Variants in HECTD4 observed in about 807,000 individuals in gnomAD.
HECTD4 encodes HECT domain E3 ubiquitin protein ligase 4, also known as probable E3 ubiquitin-protein ligase HECTD4.
In HECTD4, 114 loss-of-function variants were observed where a neutral mutation model predicts 471.5. That is an observed-to-expected ratio of 0.24 (90% confidence interval 0.21 to 0.28). The LOEUF (loss-of-function observed/expected upper bound fraction) is 0.28, where lower values mean the gene tolerates loss of function less well. Ranked by LOEUF, HECTD4 falls within the 10% of genes least tolerant of loss-of-function variation. The pLI is 1.00. For missense variants in HECTD4, 3,866 were observed against 5,651.5 expected, an observed-to-expected ratio of 0.68 and a Z score of 10.13; for synonymous variants, 2,012 against 2,256.0, an observed-to-expected ratio of 0.89 and a Z score of 3.07.
Position 112,163,575 on chromosome 12 carries a change from G to A in HECTD4, c.12864C>T (p.Cys4288=), listed in dbSNP as rs573784336. ...LSPLEMELRT[C]GLPYINLEFL... Reference sequence around the variant, plus strand: ...ACTCGAGGTTGATGTAGGGGAGGCCGCAGGTGCGCAGCTCCATCTCCAGTG... The same window carrying A: ...ACTCGAGGTTGATGTAGGGGAGGCCACAGGTGCGCAGCTCCATCTCCAGTG... The change falls in exon 74 of 76, where the codon TGC becomes TGT. Residue 4288 remains cysteine, a synonymous_variant. Coordinates refer to ENST00000682272, the MANE Select transcript of HECTD4 (RefSeq NM_001388303.1). The surrounding 1 kb of genome is among the most constrained non-coding windows in gnomAD (Gnocchi z 8.2). 4.6e-5 allele frequency: 69 copies of A among 1,500,132 alleles called. No individual in the cohort carries two copies. The African/African-American group carries it at 5.0e-4, about 11-fold the overall frequency. 92.9% of individuals were successfully genotyped at this position (1,500,132 alleles called of 1,614,324 possible).
intron 55 of HECTD4, among the ~76,000 whole-genome samples, chr12:112,199,212 C>T (rs1012755732): frequency 6.6e-6 from 1 of 152,114 alleles, no homozygotes; most frequent in Non-Finnish European, 1.5e-5. Flanking sequence ...CTGTGAGGAC[C>T]CCTGTTGAAG....
rs2030741273 is a variant in HECTD4 at position 112,162,765 on chromosome 12, TTTC to T, written c.13121-245_13121-243del. On this transcript the variant is annotated intron_variant, in intron 75 of 75. Transcript: ENST00000682272. This position sits in a 1 kb window ranked among gnomAD's most constrained non-coding sequence, Gnocchi z 5.2. ...ATGGGTTTGTCTGCCCAGCAAATTG[TTTC>T]TTTTTTTTTTTTTTTAACCATTTTT... 1.8e-6 allele frequency: 1 copy of T among 560,454 alleles called. No individual in the cohort carries two copies. The highest frequency in any genetic ancestry group is 1.9e-5 in the African/African-American group (1 of 52,590). The allele number at this position is 560,454 out of a possible 1,614,324, so 34.7% of individuals were successfully genotyped here.
rs2033492777 is a variant in HECTD4 at position 112,235,925 on chromosome 12, A to G, written c.5445-141T>C. 1.4e-6 allele frequency: 1 copy of G among 726,356 alleles called. No homozygotes were observed. The highest frequency in any genetic ancestry group is 2.8e-5 in the East Asian group (1 of 35,922). The allele number at this position is 726,356 out of a possible 1,614,324, so 45.0% of individuals were successfully genotyped here. On this transcript the variant is annotated intron_variant, in intron 35 of 75. Coordinates refer to ENST00000682272, the MANE Select transcript of HECTD4 (RefSeq NM_001388303.1). The surrounding 1 kb of genome is among the most constrained non-coding windows in gnomAD (Gnocchi z 5.0). ...TGAATGTGGCACTATGCTTCTGTGA[A>G]GAATTAAGAATTTTGGAAACATTTG...
In HECTD4 at chr12:112,382,093, C is replaced by A; in HGVS notation, c.36G>T (p.Ala12=). 8.2e-7 allele frequency: 1 copy of A among 1,224,602 alleles called. No homozygotes were observed. The highest frequency in any genetic ancestry group is 1.0e-6 in the Non-Finnish European group (1 of 983,882). 75.9% of individuals were successfully genotyped at this position (1,224,602 alleles called of 1,614,324 possible). A position where few individuals can be genotyped will look rare whatever the true frequency, so the allele number is the denominator to read the frequency against. Residue 12 remains alanine (A), a synonymous_variant, in exon 1 of 76, where the codon GCG becomes GCT. Coordinates refer to ENST00000682272, the MANE Select transcript of HECTD4 (RefSeq NM_001388303.1). ...GSSAAAAAAA[A]AAADSAQWLS... ...GCCACTGCGCCGAGTCAGCGGCCGC[C>A]GCCGCCGCCGCCGCCGCGGCCGCCG...
At chr12:112,353,766 G>A (rs2036285583) in intron 1 of HECTD4, among the ~76,000 whole-genome samples, 1 of 152,190 alleles carries the variant, frequency 6.6e-6, no homozygotes, top group African/African-American at 2.4e-5. Flanking sequence ...GCTTTAAAAA[G>A]TTAGGCTAGA....
chr12:112,309,635 A>C lies in HECTD4; in HGVS notation c.951T>G (p.Gly317=), dbSNP rs1209435601. ...CTGAGTTAGTAGTATACAGGTAAAG[A>C]CCATCTGCCGTGAGACAGCGTCCCA... ...ADLGRCLTAD[G]LYLYTTNSVG... The change falls in exon 5 of 76, where the codon GGT becomes GGG. Residue 317 remains glycine (G), a synonymous_variant. Coordinates refer to ENST00000682272, the MANE Select transcript of HECTD4 (RefSeq NM_001388303.1). The C allele has an allele frequency of 1.3e-6, 2 of 1,534,526 alleles. No individual in the cohort carries two copies. Among genetic ancestry groups the C allele is most frequent in the Non-Finnish European group, 8.7e-7 (1 of 1,144,878 alleles).
At chr12:112,175,002 G>T (rs1405640087) in intron 66 of HECTD4, among the ~76,000 whole-genome samples, 1 of 152,164 alleles carries the variant, frequency 6.6e-6, no homozygotes, top group Non-Finnish European at 1.5e-5. Flanking sequence ...AGCTAGAAAG[G>T]GGAAACCATA....
chr12:112,171,341 C>T (rs2031212995), intron 67 of HECTD4, 78 bp from the exon 68 acceptor site: 2 of 1,536,518 alleles, frequency 1.3e-6, no homozygotes, highest in Non-Finnish European at 1.7e-6. Context: ...CACAGGCAAC[C>T]CTATCACTGC....
rs945545825 is a variant in HECTD4, at chr12:112,162,724, A to G, written c.13121-201T>C. Reference sequence around the variant, plus strand: ...AGGGGAGAGAGCTGCTGGACAGCGCATGTGCCAAACTGCTGATGGGTTTGT... The same window carrying G: ...AGGGGAGAGAGCTGCTGGACAGCGCGTGTGCCAAACTGCTGATGGGTTTGT... On this transcript the variant is annotated intron_variant, in intron 75 of 75. Coordinates refer to ENST00000682272, the MANE Select transcript of HECTD4 (RefSeq NM_001388303.1). This position sits in a 1 kb window ranked among gnomAD's most constrained non-coding sequence, Gnocchi z 5.2. 2.0e-5 allele frequency: 12 copies of G among 613,888 alleles called. No individual in the cohort carries two copies. The highest frequency in any genetic ancestry group is 1.7e-4 in the African/African-American group (9 of 53,596). The allele number at this position is 613,888 out of a possible 1,614,324, so 38.0% of individuals were successfully genotyped here. A position where few individuals can be genotyped will look rare whatever the true frequency, so the allele number is the denominator to read the frequency against.
intron 1 of HECTD4, among the ~76,000 whole-genome samples, chr12:112,378,574 T>C (rs1398203978): frequency 6.6e-6 from 1 of 152,098 alleles, no homozygotes; most frequent in Admixed American, 6.6e-5. Flanking sequence ...TTGCCAGTCA[T>C]AATTAGTCAA....
intron 4 of HECTD4, 48 bp downstream of exon 4, chr12:112,312,969 T>G: frequency 6.7e-7 from 1 of 1,500,832 alleles, no homozygotes; most frequent in Non-Finnish European, 8.9e-7. Flanking sequence ...CTAAAACCTC[T>G]TTATTTACAT....
rs4767496 is a variant in HECTD4, at chr12:112,217,336, T to C, written c.7075-141A>G. On this transcript the variant is annotated intron_variant, in intron 45 of 75. Coordinates refer to ENST00000682272, the MANE Select transcript of HECTD4 (RefSeq NM_001388303.1). ...ACACACATACACACACACACACACA[T>C]ACACACACACACACACACACAATTT... 379 of 409,318 alleles carry C rather than the reference T, an allele frequency of 9.3e-4. 1 individual carries two copies. Among genetic ancestry groups the C allele is most frequent in the African/African-American group, 4.0e-3 (192 of 48,194 alleles). 25.4% of individuals were successfully genotyped at this position (409,318 alleles called of 1,614,324 possible). A position where few individuals can be genotyped will look rare whatever the true frequency, so the allele number is the denominator to read the frequency against.
At chr12:112,301,469 A>G (rs2035163874) in intron 7 of HECTD4, among the ~76,000 whole-genome samples, 1 of 152,188 alleles carries the variant, frequency 6.6e-6, no homozygotes, top group Non-Finnish European at 1.5e-5. Context: ...GGTGTGAGCC[A>G]CTGCACCCAG....
At chr12:112,175,887 T>C in intron 65 of HECTD4, 28 bp from the exon 66 acceptor site, 1 of 1,611,772 alleles carries the variant, frequency 6.2e-7, no homozygotes, top group Non-Finnish European at 8.5e-7. Flanking sequence ...GTGTGAGGAA[T>C]CTGGTGAGAC....
chr12:112,205,089 C>T (rs1158633909), intron 52 of HECTD4, among the ~76,000 whole-genome samples: 4 of 145,486 alleles, frequency 2.7e-5, no homozygotes, highest in African/African-American at 5.2e-5. Flanking sequence ...GCCAAGCTGG[C>T]GCCACTGCAC....
rs2030703060 is a variant in HECTD4, at chr12:112,161,878, G to GC, written c.*508dup. 6.5e-6 allele frequency: 1 copy of GC among 152,694 alleles called. No homozygotes were observed. The highest frequency in any genetic ancestry group is 2.4e-5 in the African/African-American group (1 of 41,462). The allele number at this position is 152,694 out of a possible 1,614,324, so 9.5% of individuals were successfully genotyped here. ...TGTGTCTCACGTGTTTGGGCAATTG[G>GC]CCCAGCCACCTCTATGTGGAGGGAG... On this transcript the variant is annotated 3_prime_UTR_variant, in exon 76 of 76. Coordinates refer to ENST00000682272, the MANE Select transcript of HECTD4 (RefSeq NM_001388303.1).
intron 1 of HECTD4, among the ~76,000 whole-genome samples, chr12:112,324,132 T>C (rs990475820): frequency 6.3e-5 from 9 of 143,876 alleles, no homozygotes; most frequent in Admixed American, 4.3e-4. Flanking sequence ...TTTTTTATTT[T>C]TTTTTTGACG....
chr12:112,298,918 G>A (rs537535209), intron 7 of HECTD4, among the ~76,000 whole-genome samples: 1 of 151,524 alleles, frequency 6.6e-6, no homozygotes, highest in East Asian at 1.9e-4. Flanking sequence ...TGGGGTTACA[G>A]GCATGAGCTA....
chr12:112,378,719 G>A (rs2036831153), intron 1 of HECTD4, among the ~76,000 whole-genome samples: 1 of 152,180 alleles, frequency 6.6e-6, no homozygotes, highest in Non-Finnish European at 1.5e-5. Context: ...TTTCATAGGT[G>A]TGGTGGTATT....
Sources: gnomAD v4.1 joint callset for allele counts (sites outside exome capture counted in the v4.1 genomes callset) on GRCh38, gnomAD v4.1.1 for gene constraint, Gnocchi (gnomAD v3.1) non-coding constraint, MANE v1.5 for transcripts, NCBI Gene and HGNC (gene_info 2026-07-23, HGNC 2026-07-21) for gene names.